ADCY9: variants seen among roughly 807,000 people sequenced by gnomAD.
ADCY9 encodes adenylate cyclase type 9.
In ADCY9, 50 loss-of-function variants were observed where a neutral mutation model predicts 101.5. That is an observed-to-expected ratio of 0.49 (90% CI 0.39 to 0.62). The LOEUF is 0.62. Among genes scored for constraint, ADCY9 ranks in the 20% least tolerant of loss-of-function variants. The pLI is 0.00. For missense variants in ADCY9, 1,662 were observed against 1,800.4 expected (o/e 0.92, Z 1.39); for synonymous variants, 905 against 769.3 (o/e 1.18, Z -2.92).
intron 3 of ADCY9, among the ~76,000 whole-genome samples, chr16:4,003,605 C>A (rs1466259652): frequency 6.7e-6 from 1 of 149,118 alleles, no homozygotes; most frequent in Admixed American, 6.7e-5. Context: ...CATTCTGTCA[C>A]CCTGGTTGGA....
intron 2 of ADCY9, among the ~76,000 whole-genome samples, chr16:4,084,294 T>C (rs1450255817): frequency 6.6e-6 from 1 of 151,904 alleles, no homozygotes; most frequent in East Asian, 1.9e-4. Context: ...ATATTTTTAG[T>C]AGAGACAGGG....
downstream of ADCY9, among the ~76,000 whole-genome samples, chr16:3,958,541 CAAAAAAAAAAAAAAAAAA>C (rs57920543): frequency 2.9e-5 from 3 of 104,198 alleles, no homozygotes; most frequent in African/African-American, 1.1e-4. Context: ...AACTCCGTCT[CAAAAAAAAAAAAAAAAAA>C]AAAGAAAAAC....
downstream of ADCY9, among the ~76,000 whole-genome samples, chr16:3,959,293 T>C (rs1016351087): frequency 2.7e-5 from 4 of 150,780 alleles, no homozygotes; most frequent in African/African-American, 9.8e-5. Context: ...GCCAGGGAGG[T>C]TGAGGTTGCA....
At position 3,965,763 on chromosome 16, in the gene ADCY9, G is replaced by A. The variant is rs2055985230; in HGVS notation, c.*12C>T. ...ACAAACAGAGCACCTCGGGCAGCGG[G>A]TGGGCGCCGCCTCACACACTCTTTG... On this transcript the variant is annotated 3_prime_UTR_variant, in exon 11 of 11. Transcript: ENST00000294016. The A allele has an allele frequency of 1.3e-6, 2 of 1,597,386 alleles. No homozygotes were observed.
chr16:4,082,476 G>A (rs1018701206), intron 2 of ADCY9, among the ~76,000 whole-genome samples: 16 of 152,140 alleles, frequency 1.1e-4, no homozygotes, highest in African/African-American at 3.1e-4. Flanking sequence ...TGTCCTCCCC[G>A]TTCCCACACA....
At position 4,019,867 on chromosome 16, in the gene ADCY9, C is replaced by A. The variant is rs944166259; in HGVS notation, c.1694-12309G>T. The stretch of plus-strand genomic sequence containing the variant: ...CCAAGGTGGAAGGATCACGTGAGGT[C>A]AAGAGTTTGAGACCAGCCTGGCCAA... On this transcript the variant is annotated intron_variant, in intron 2 of 10. Coordinates refer to ENST00000294016, the MANE Select transcript of ADCY9 (RefSeq NM_001116.4). Among the ~76,000 whole-genome samples, 5 of 152,132 alleles carry A rather than the reference C, an allele frequency of 3.3e-5. No homozygotes were observed. The East Asian group carries it at 9.6e-4, about 29-fold the overall frequency.
At chr16:4,095,906 G>A (rs916927761) in intron 2 of ADCY9, among the ~76,000 whole-genome samples, 6 of 151,194 alleles carry the variant, frequency 4.0e-5, no homozygotes, top group Non-Finnish European at 7.4e-5. Context: ...GAACCCAGGA[G>A]GCGGAGTTTG....
chr16:3,980,065 C>T (rs989816066), intron 7 of ADCY9, among the ~76,000 whole-genome samples: 20 of 152,250 alleles, frequency 1.3e-4, no homozygotes, highest in African/African-American at 4.3e-4. Context: ...ACACGCGTGC[C>T]GTCTGCATCT....
At chr16:3,973,847 CG>C (rs1555505916) in intron 10 of ADCY9, among the ~76,000 whole-genome samples, 4 of 151,814 alleles carry the variant, frequency 2.6e-5, no homozygotes, top group Non-Finnish European at 5.9e-5. Context: ...TCCATCTTTT[CG>C]TTGTGGTTCT....
intron 2 of ADCY9, among the ~76,000 whole-genome samples, chr16:4,015,886 C>T (rs71388555): frequency 0.052 from 7,822 of 151,716 alleles, 265 homozygotes; most frequent in Non-Finnish European, 0.082. Flanking sequence ...GAAAATCTCT[C>T]GAACCCGGGA....
In ADCY9 at chr16:3,993,442, T is replaced by G. The variant is rs1255643254; in HGVS notation, c.1953A>C (p.Gln651His). ...TTTTATGCTCGTCTTGGCAGCCGTT[T>G]TGAGGTGCTCCTCCCTCGGCGCCGG... The part of the protein sequence containing the change: ...SEAGAEGGAP[Q>H]NGCQDEHKNS... Residue 651 changes from glutamine (Q) to histidine (H), a missense_variant, in exon 4 of 11, where the codon CAA becomes CAC. Transcript: ENST00000294016. 1 of 1,614,116 alleles carries G rather than the reference T, an allele frequency of 6.2e-7. No homozygotes were observed. The highest frequency in any genetic ancestry group is 1.3e-5 in the African/African-American group (1 of 74,952).
At chr16:4,102,790 C>T (rs762143890) in intron 2 of ADCY9, among the ~76,000 whole-genome samples, 4 of 152,226 alleles carry the variant, frequency 2.6e-5, no homozygotes, top group East Asian at 3.9e-4. Flanking sequence ...GGTGCCATCT[C>T]GGCTCACTGC....
intron 2 of ADCY9, among the ~76,000 whole-genome samples, chr16:4,043,964 G>A (rs2056644917): frequency 6.6e-6 from 1 of 151,934 alleles, no homozygotes; most frequent in Non-Finnish European, 1.5e-5. Flanking sequence ...TTTTATTTTT[G>A]TTTTCTAGGC....
intron 2 of ADCY9, among the ~76,000 whole-genome samples, chr16:4,085,301 G>A (rs2056930673): frequency 6.6e-6 from 1 of 151,990 alleles, no homozygotes; most frequent in Admixed American, 6.5e-5. Context: ...CGCAGAGATT[G>A]CCATGAGCCG....
At chr16:3,969,569 A>AATATATATAT (rs57260468) in intron 10 of ADCY9, among the ~76,000 whole-genome samples, 1,867 of 44,974 alleles carry the variant, frequency 0.042, 122 homozygotes, top group Non-Finnish European at 0.06. Context: ...GTTTGTTTGA[A>AATATATATAT]ATATATATAT....
At chr16:4,106,081 C>G (rs1284661402) in intron 2 of ADCY9, among the ~76,000 whole-genome samples, 1 of 152,172 alleles carries the variant, frequency 6.6e-6, no homozygotes, top group African/African-American at 2.4e-5. Flanking sequence ...AACATTGAGC[C>G]TTCCCACTTA....
At position 3,962,814 on chromosome 16, in the gene ADCY9, AAAC is replaced by A. The variant is rs1483113580; in HGVS notation, c.*2958_*2960del. 5.9e-5 allele frequency: 9 copies of A among 152,474 alleles called. No individual in the cohort carries two copies. The highest frequency in any genetic ancestry group is 6.5e-5 in the Admixed American group (1 of 15,272). The allele number at this position is 152,474 out of a possible 1,614,324, so 9.4% of individuals were successfully genotyped here. Reference sequence around the variant, plus strand: ...GATTCTAGGCATGATGTGATTTTCCAAACAACCAATTAAAAAAAACTCCTTACC... The same window carrying A: ...GATTCTAGGCATGATGTGATTTTCCAAACCAATTAAAAAAAACTCCTTACC... On this transcript the variant is annotated 3_prime_UTR_variant, in exon 11 of 11. Transcript: ENST00000294016.
Position 3,966,063 on chromosome 16 carries a change from G to A in ADCY9, c.3774C>T (p.Ile1258=), listed in dbSNP as rs1197702360. ...HRVIPQHQLS[I]SPDIRVQVDG... ...CCACCTGGACGCGGATGTCTGGGGA[G>A]ATGGACAGCTGGTGCTGTGGGATGA... The change falls in exon 11 of 11, where the codon ATC becomes ATT. Residue 1258 remains isoleucine (I), a synonymous_variant. Coordinates refer to ENST00000294016, the MANE Select transcript of ADCY9 (RefSeq NM_001116.4). The A allele has an allele frequency of 1.2e-6, 2 of 1,614,252 alleles. No individual in the cohort carries two copies. Among genetic ancestry groups the A allele is most frequent in the Non-Finnish European group, 1.7e-6 (2 of 1,180,046 alleles).
At chr16:4,098,870 C>T (rs530086110) in intron 2 of ADCY9, among the ~76,000 whole-genome samples, 1 of 151,878 alleles carries the variant, frequency 6.6e-6, no homozygotes. Flanking sequence ...CCTCAGTCTG[C>T]AAACAGGTCA....
Sources: gnomAD v4.1 joint callset for allele counts (sites outside exome capture counted in the v4.1 genomes callset) on GRCh38, gnomAD v4.1.1 for gene constraint, MANE v1.5 for transcripts, NCBI Gene and HGNC (gene_info 2026-07-23, HGNC 2026-07-21) for gene names.